The following SORCS3 variants were observed in gnomAD, a reference collection of about 807,000 sequenced individuals.
SORCS3 encodes VPS10 domain-containing receptor SorCS3.
Under a neutral mutation model 146.3 loss-of-function variants are expected in SORCS3, and 57 were observed. The ratio of observed to expected loss-of-function variants is 0.39; its 90% CI spans 0.31 to 0.49. The LOEUF (loss-of-function observed/expected upper bound fraction) is 0.49, where lower values mean the gene tolerates loss of function less well. Among genes scored for constraint, SORCS3 ranks in the 20% least tolerant of loss-of-function variants. The pLI is 0.92. For missense variants in SORCS3, 1,341 were observed against 1,575.5 expected, an observed-to-expected ratio of 0.85 and a Z score of 2.52; for synonymous variants, 653 against 618.5, an observed-to-expected ratio of 1.06 and a Z score of -0.83.
chr10:105,117,127 A>G (rs1481372891), intron 7 of SORCS3, among the ~76,000 whole-genome samples: 4 of 152,072 alleles, frequency 2.6e-5, no homozygotes, highest in African/African-American at 9.7e-5. Context: ...ATGAATTTTC[A>G]TAGGCTGTCT....
chr10:105,072,640 TC>T (rs1347152998), intron 5 of SORCS3, among the ~76,000 whole-genome samples: 3 of 140,244 alleles, frequency 2.1e-5, no homozygotes, highest in Non-Finnish European at 4.6e-5. Context: ...GGAAACCTTT[TC>T]TTTCTTTCTC....
At chr10:105,028,251 C>T (rs2055243633) in intron 4 of SORCS3, among the ~76,000 whole-genome samples, 1 of 152,180 alleles carries the variant, frequency 6.6e-6, no homozygotes, top group African/African-American at 2.4e-5. Context: ...GCTGTTTTCT[C>T]AGAATCTAGA....
At chr10:104,894,036 G>T (rs1181375) in intron 2 of SORCS3, among the ~76,000 whole-genome samples, 1 of 151,998 alleles carries the variant, frequency 6.6e-6, no homozygotes, top group Non-Finnish European at 1.5e-5. Flanking sequence ...TTTTTTCACA[G>T]ACCTTTTGGG....
chr10:105,213,238 A>G (rs922513158), intron 17 of SORCS3, among the ~76,000 whole-genome samples: 1 of 152,204 alleles, frequency 6.6e-6, no homozygotes, highest in African/African-American at 2.4e-5. Context: ...CATTAGCTTA[A>G]TATCCCCTGG....
At chr10:105,083,177 G>T (rs1408458458) in intron 5 of SORCS3, among the ~76,000 whole-genome samples, 1 of 149,566 alleles carries the variant, frequency 6.7e-6, no homozygotes, top group Non-Finnish European at 1.5e-5. Context: ...AGGCATTATT[G>T]ATTACTTGTT....
At chr10:104,794,221 A>G (rs1165132090) in intron 1 of SORCS3, among the ~76,000 whole-genome samples, 1 of 152,034 alleles carries the variant, frequency 6.6e-6, no homozygotes, top group Non-Finnish European at 1.5e-5. Flanking sequence ...CTATACCCGT[A>G]TTTTTGTCAG....
chr10:104,765,723 C>T (rs2017171979), intron 1 of SORCS3, among the ~76,000 whole-genome samples: 1 of 152,214 alleles, frequency 6.6e-6, no homozygotes, highest in Non-Finnish European at 1.5e-5. Context: ...AGCTCTCGCA[C>T]TATGCCAGGA....
intron 5 of SORCS3, among the ~76,000 whole-genome samples, chr10:105,061,448 C>T (rs982986455): frequency 6.6e-6 from 1 of 151,806 alleles, no homozygotes; most frequent in Non-Finnish European, 1.5e-5. Context: ...GCGCCTGCCA[C>T]CACACCTGGC....
chr10:104,822,987 A>G (rs2017892295), intron 1 of SORCS3, among the ~76,000 whole-genome samples: 1 of 152,194 alleles, frequency 6.6e-6, no homozygotes, highest in African/African-American at 2.4e-5. Context: ...CTCAGGAAGT[A>G]CATGCATTCT....
At chr10:104,757,600 T>C (rs2017069135) in intron 1 of SORCS3, among the ~76,000 whole-genome samples, 1 of 152,208 alleles carries the variant, frequency 6.6e-6, no homozygotes, top group Non-Finnish European at 1.5e-5. Flanking sequence ...GCTGCTGTTT[T>C]ATTGTTGGGT....
chr10:105,010,463 T>C lies in SORCS3; in HGVS notation c.955-32592T>C, dbSNP rs77935265. Among the ~76,000 whole-genome samples the C allele has an allele frequency of 4.7e-3, 711 of 152,358 alleles. 16 individuals are homozygous for C. The highest frequency in any genetic ancestry group is 0.03 in the Admixed American group (456 of 15,304). On this transcript the variant is annotated intron_variant, in intron 4 of 26. Coordinates refer to ENST00000369701, the MANE Select transcript of SORCS3 (RefSeq NM_014978.3). The stretch of plus-strand genomic sequence containing the variant: ...ATTGACAGAAGGCATCTTATCACAC[T>C]GGCCATTAACCAAGATCATTCTGAA...
chr10:105,174,436 AAATAAT>A (rs138806203), intron 13 of SORCS3, among the ~76,000 whole-genome samples: 44 of 151,702 alleles, frequency 2.9e-4, no homozygotes, highest in Middle Eastern at 3.4e-3. Flanking sequence ...CTAGTCATCA[AAATAAT>A]AATAATAATA....
At chr10:105,085,969 C>T (rs2055657790) in intron 5 of SORCS3, among the ~76,000 whole-genome samples, 1 of 152,268 alleles carries the variant, frequency 6.6e-6, no homozygotes, top group Middle Eastern at 3.4e-3. Context: ...CCACCTCTCT[C>T]TCTATTTCTC....
At chr10:105,036,538 C>T (rs1038936709) in intron 4 of SORCS3, among the ~76,000 whole-genome samples, 20 of 152,152 alleles carry the variant, frequency 1.3e-4, no homozygotes, top group African/African-American at 4.6e-4. Flanking sequence ...GCTGGTGGAT[C>T]ACCTGAGGTC....
chr10:105,046,386 C>T (rs1038089608), intron 5 of SORCS3, among the ~76,000 whole-genome samples: 1 of 152,122 alleles, frequency 6.6e-6, no homozygotes, highest in Admixed American at 6.5e-5. Flanking sequence ...CCGGTTTCTT[C>T]TCCCATGCTA....
chr10:104,874,411 T>C (rs1310492245), intron 2 of SORCS3, among the ~76,000 whole-genome samples: 1 of 152,178 alleles, frequency 6.6e-6, no homozygotes, highest in African/African-American at 2.4e-5. Context: ...TTCTTACTGT[T>C]ATAATAAACA....
chr10:104,805,865 C>T (rs1455679954), intron 1 of SORCS3, among the ~76,000 whole-genome samples: 1 of 152,078 alleles, frequency 6.6e-6, no homozygotes, highest in East Asian at 1.9e-4. Context: ...TCTTGCTTTC[C>T]CCTCTTTACT....
At chr10:104,802,108 C>T (rs1247087664) in intron 1 of SORCS3, among the ~76,000 whole-genome samples, 1 of 152,100 alleles carries the variant, frequency 6.6e-6, no homozygotes, top group Non-Finnish European at 1.5e-5. Context: ...CTTTTATATT[C>T]TAAGGCATTA....
chr10:104,688,601 C>T (rs867131032), intron 1 of SORCS3, among the ~76,000 whole-genome samples: 4 of 152,226 alleles, frequency 2.6e-5, no homozygotes, highest in Admixed American at 6.5e-5. Flanking sequence ...TGTTCGGCCT[C>T]AACTCCAGTT....
Sources: gnomAD v4.1 joint callset for allele counts (sites outside exome capture counted in the v4.1 genomes callset) on GRCh38, gnomAD v4.1.1 for gene constraint, MANE v1.5 for transcripts, NCBI Gene and HGNC (gene_info 2026-07-23, HGNC 2026-07-21) for gene names.